The following RBFOX1 variants were observed in gnomAD, a reference collection of about 807,000 sequenced individuals.
RBFOX1 encodes the protein RNA binding protein fox-1 homolog 1.
A neutral mutation model predicts 57.7 loss-of-function variants in RBFOX1; 8 were observed. The observed-to-expected ratio is 0.14, with a 90% CI of 0.08 to 0.25. The LOEUF (loss-of-function observed/expected upper bound fraction) is 0.25, where lower values mean the gene tolerates loss of function less well. Among genes scored for constraint, RBFOX1 ranks in the 10% least tolerant of loss-of-function variants. RBFOX1 has a pLI of 1.00. For missense variants in RBFOX1, 611 were observed against 548.5 expected, an observed-to-expected ratio of 1.11 and a Z score of -1.14; for synonymous variants, 326 against 222.4, an observed-to-expected ratio of 1.47 and a Z score of -4.15.
At chr16:7,365,266 A>T (rs192974710) in intron 4 of RBFOX1, among the ~76,000 whole-genome samples, 1 of 152,336 alleles carries the variant, frequency 6.6e-6, no homozygotes, top group African/African-American at 2.4e-5. Context: ...ATGGGGTAAT[A>T]AATATGTAAA....
chr16:7,191,891 G>C (rs896096354), intron 4 of RBFOX1, among the ~76,000 whole-genome samples: 1 of 152,072 alleles, frequency 6.6e-6, no homozygotes, highest in African/African-American at 2.4e-5. Context: ...GTAAGCCTTG[G>C]GAATGAAATG....
chr16:5,305,439 G>A (rs187639854), intron 1 of RBFOX1, among the ~76,000 whole-genome samples: 5 of 152,078 alleles, frequency 3.3e-5, no homozygotes, highest in African/African-American at 9.6e-5. Flanking sequence ...AAATGATGGG[G>A]GGCTGTTTTC....
At chr16:6,324,191 A>G (rs1330369535) in intron 2 of RBFOX1, among the ~76,000 whole-genome samples, 3 of 113,822 alleles carry the variant, frequency 2.6e-5, no homozygotes, top group Non-Finnish European at 4.9e-5. Flanking sequence ...CTCTGTGTTC[A>G]CAGGTACACT....
At chr16:6,876,358 ATAATAT>A (rs1015298353) in intron 3 of RBFOX1, among the ~76,000 whole-genome samples, 4 of 152,156 alleles carry the variant, frequency 2.6e-5, no homozygotes, top group East Asian at 1.9e-4. Flanking sequence ...TCAAAGAAAA[ATAATAT>A]TAATACCATC....
chr16:7,053,396 T>G (rs1052607635), intron 4 of RBFOX1, among the ~76,000 whole-genome samples: 3 of 152,182 alleles, frequency 2.0e-5, no homozygotes, highest in African/African-American at 7.2e-5. Context: ...CTTACTGCTT[T>G]TTTCCTGTAG....
At chr16:7,134,225 G>A (rs1426593752) in intron 4 of RBFOX1, among the ~76,000 whole-genome samples, 1 of 152,134 alleles carries the variant, frequency 6.6e-6, no homozygotes, top group African/African-American at 2.4e-5. Flanking sequence ...TTGCCATTTG[G>A]ATGGTGATCA....
Position 6,659,463 on chromosome 16 carries a change from A to G in RBFOX1, c.-16+4813A>G, listed in dbSNP as rs184504204. The stretch of plus-strand genomic sequence containing the variant: ...CTCATCTTTTTACAATACTTCTTCC[A>G]GATCAGGTATCTTAAGTACCGCCGA... On this transcript the variant is annotated intron_variant, in intron 3 of 15. Coordinates refer to ENST00000550418, the MANE Select transcript of RBFOX1 (RefSeq NM_018723.4). 1.4e-3 allele frequency among the ~76,000 whole-genome samples: 213 copies of G among 152,298 alleles called. 1 individual carries two copies. Among genetic ancestry groups the G allele is most frequent in the African/African-American group, 4.9e-3 (202 of 41,566 alleles).
intron 4 of RBFOX1, among the ~76,000 whole-genome samples, chr16:7,197,338 T>G (rs912872056): frequency 1.3e-5 from 2 of 151,922 alleles, no homozygotes; most frequent in African/African-American, 4.8e-5. Flanking sequence ...TAACTCCTGA[T>G]CTTGGGAATC....
chr16:6,217,385 C>G lies in RBFOX1; in HGVS notation c.-126-99610C>G, dbSNP rs576256245. On this transcript the variant is annotated intron_variant, in intron 1 of 15. Transcript: ENST00000550418. ...GCTGAAAAAAAGGGGAGGATGTCTCCTACAGTCTCAGTGATCTCTCAGAAT... is the reference window on the plus strand; with the variant it reads ...GCTGAAAAAAAGGGGAGGATGTCTCGTACAGTCTCAGTGATCTCTCAGAAT... 3.3e-5 allele frequency among the ~76,000 whole-genome samples: 5 copies of G among 151,732 alleles called. No homozygotes were observed. The East Asian group carries it at 5.8e-4, about 18-fold the overall frequency.
chr16:6,840,479 C>A (rs1022279041), intron 3 of RBFOX1, among the ~76,000 whole-genome samples: 3 of 151,980 alleles, frequency 2.0e-5, no homozygotes, highest in African/African-American at 7.3e-5. Context: ...GTTCATGTCC[C>A]CCTAAATTTG....
chr16:7,289,632 G>C (rs1875156883), intron 4 of RBFOX1, among the ~76,000 whole-genome samples: 1 of 151,916 alleles, frequency 6.6e-6, no homozygotes, highest in Non-Finnish European at 1.5e-5. Context: ...TCATCACCAT[G>C]ATCATGATCA....
intron 2 of RBFOX1, among the ~76,000 whole-genome samples, chr16:5,495,675 G>A (rs971388812): frequency 2.7e-4 from 41 of 152,348 alleles, no homozygotes; most frequent in Non-Finnish European, 3.8e-4. Flanking sequence ...AGGACCTCAT[G>A]ATATGCTCGT....
intron 4 of RBFOX1, among the ~76,000 whole-genome samples, chr16:7,203,382 G>A (rs2089146325): frequency 6.6e-6 from 1 of 152,210 alleles, no homozygotes; most frequent in South Asian, 2.1e-4. Flanking sequence ...GGAGAGGAAG[G>A]TAGGGGAAAG....
chr16:6,595,206 C>A (rs1288247360), intron 2 of RBFOX1, among the ~76,000 whole-genome samples: 3 of 152,128 alleles, frequency 2.0e-5, no homozygotes, highest in African/African-American at 7.2e-5. Flanking sequence ...AGTACTCACA[C>A]CCTGTACACC....
At chr16:6,073,185 C>T (rs1469555660) in intron 1 of RBFOX1, among the ~76,000 whole-genome samples, 3 of 152,164 alleles carry the variant, frequency 2.0e-5, no homozygotes, top group East Asian at 1.9e-4. Flanking sequence ...AAGCCTTCAT[C>T]CCTTAATATC....
At chr16:5,768,684 A>AC (rs1192427010) in intron 3 of RBFOX1, among the ~76,000 whole-genome samples, 5 of 151,882 alleles carry the variant, frequency 3.3e-5, no homozygotes, top group Admixed American at 1.3e-4. Flanking sequence ...GCTGGGGAGG[A>AC]AGCGGATGAT....
At chr16:6,657,276 C>T (rs1295310382) in intron 3 of RBFOX1, among the ~76,000 whole-genome samples, 1 of 151,982 alleles carries the variant, frequency 6.6e-6, no homozygotes, top group Non-Finnish European at 1.5e-5. Context: ...ATCTTATACT[C>T]ACGCTATAGT....
chr16:7,578,923 CA>C (rs2093540708), intron 5 of RBFOX1, among the ~76,000 whole-genome samples: 1 of 152,166 alleles, frequency 6.6e-6, no homozygotes. Context: ...TCATGTTATA[CA>C]GCCTTATTTG....
At chr16:6,007,384 C>T (rs768395711) in intron 4 of RBFOX1, among the ~76,000 whole-genome samples, 9 of 152,168 alleles carry the variant, frequency 5.9e-5, no homozygotes, top group South Asian at 2.1e-4. Context: ...TAGCCTGAAG[C>T]CCCCAAGGAA....
Sources: gnomAD v4.1 joint callset for allele counts (sites outside exome capture counted in the v4.1 genomes callset) on GRCh38, gnomAD v4.1.1 for gene constraint, MANE v1.5 for transcripts, NCBI Gene and HGNC (gene_info 2026-07-23, HGNC 2026-07-21) for gene names.